ST6GALNAC2: variants seen among roughly 807,000 people sequenced by gnomAD.
ST6GALNAC2 encodes ST6 N-acetylgalactosaminide alpha-2,6-sialyltransferase 2, also known as alpha-N-acetylgalactosaminide alpha-2,6-sialyltransferase 2.
ST6GALNAC2 carries 42 observed loss-of-function variants against 38.7 expected under a neutral mutation model. The observed-to-expected ratio is 1.09, with a 90% CI of 0.85 to 1.40. The LOEUF is 1.40. ST6GALNAC2 is among the 40% of genes most tolerant of loss of function. The pLI is 0.00. For missense variants in ST6GALNAC2, 506 were observed against 481.7 expected, an observed-to-expected ratio of 1.05 and a Z score of -0.47; for synonymous variants, 233 against 209.0, an observed-to-expected ratio of 1.11 and a Z score of -0.99.
chr17:76,581,764 C>T (rs969614743), intron 1 of ST6GALNAC2, among the ~76,000 whole-genome samples: 7 of 152,230 alleles, frequency 4.6e-5, no homozygotes, highest in African/African-American at 1.7e-4. Flanking sequence ...TGCACATGCC[C>T]TTCTGGGAGG....
intron 7 of ST6GALNAC2, 153 bp from the exon 8 acceptor site, chr17:76,567,705 A>G (rs2075302430): frequency 5.3e-6 from 3 of 570,388 alleles, no homozygotes; most frequent in Non-Finnish European, 9.4e-6. Flanking sequence ...AAATACAAAG[A>G]TCTTTGAGAC....
Position 76,573,257 on chromosome 17 carries a change from G to A in ST6GALNAC2, c.468C>T (p.Asn156=), listed in dbSNP as rs373035687. The A allele has an allele frequency of 1.4e-5, 23 of 1,612,660 alleles. No individual in the cohort carries two copies. Among genetic ancestry groups the A allele is most frequent in the Middle Eastern group, 1.6e-4 (1 of 6,072 alleles). The change falls in exon 4 of 9, where the codon AAC becomes AAT. Residue 156 remains asparagine, a synonymous_variant. Transcript: ENST00000225276. This position sits in a 1 kb window ranked among gnomAD's most constrained non-coding sequence, Gnocchi z 5.1. ...GGCGGGACCCATTCAGAATGCCTCC[G>A]TTGCCCACCACGGCACACCGGATAC... The part of the protein sequence containing the change: ...PKCIRCAVVG[N]GGILNGSRQG...
At position 76,565,904 on chromosome 17, in the gene ST6GALNAC2, G is replaced by C; in HGVS notation, c.*200C>G. On this transcript the variant is annotated 3_prime_UTR_variant, in exon 9 of 9. Coordinates refer to ENST00000225276, the MANE Select transcript of ST6GALNAC2 (RefSeq NM_006456.3). ...GCCAAGATTGAGATGTATTGTTTTA[G>C]ATACAGAAGAGTTCTTGGATGAGCC... 1 of 557,898 alleles carries C rather than the reference G, an allele frequency of 1.8e-6. No homozygotes were observed. Among genetic ancestry groups the C allele is most frequent in the South Asian group, 2.5e-5 (1 of 40,140 alleles). The allele number at this position is 557,898 out of a possible 1,614,324, so 34.6% of individuals were successfully genotyped here. A position where few individuals can be genotyped will look rare whatever the true frequency, so the allele number is the denominator to read the frequency against.
chr17:76,578,677 G>A, intron 2 of ST6GALNAC2, 79 bp downstream of exon 2: 1 of 1,346,452 alleles, frequency 7.4e-7, no homozygotes, highest in South Asian at 1.3e-5. Context: ...TCATGAGAGT[G>A]TTCTCGTTTG....
chr17:76,572,836 A>C, intron 4 of ST6GALNAC2, 61 bp from the exon 5 acceptor site: 1 of 1,601,992 alleles, frequency 6.2e-7, no homozygotes, highest in African/African-American at 1.3e-5. Flanking sequence ...TTCTGCTTCC[A>C]TCTCCACGGC....
intron 1 of ST6GALNAC2, among the ~76,000 whole-genome samples, chr17:76,584,924 G>A (rs2075526323): frequency 6.6e-6 from 1 of 152,364 alleles, no homozygotes; most frequent in Non-Finnish European, 1.5e-5. Flanking sequence ...CTTAAGCTAA[G>A]CGAAATCGTT....
chr17:76,568,935 G>C, intron 6 of ST6GALNAC2, 139 bp from the exon 7 acceptor site: 1 of 735,814 alleles, frequency 1.4e-6, no homozygotes. Flanking sequence ...AGCGGGAGAA[G>C]GGGGTGTAGA....
At chr17:76,584,765 A>G (rs1182405427) in intron 1 of ST6GALNAC2, among the ~76,000 whole-genome samples, 6 of 152,106 alleles carry the variant, frequency 3.9e-5, no homozygotes, top group African/African-American at 1.4e-4. Flanking sequence ...TTTTGTTTTC[A>G]TCCCGTTAGC....
At position 76,566,191 on chromosome 17, in the gene ST6GALNAC2, T is replaced by A; in HGVS notation, c.1038A>T (p.Ile346=). 6.2e-7 allele frequency: 1 copy of A among 1,614,122 alleles called. No individual in the cohort carries two copies. The highest frequency in any genetic ancestry group is 8.5e-7 in the Non-Finnish European group (1 of 1,180,042). The change falls in exon 9 of 9, where the codon ATA becomes ATT. Residue 346 remains isoleucine, a synonymous_variant. Coordinates refer to ENST00000225276, the MANE Select transcript of ST6GALNAC2 (RefSeq NM_006456.3). ...GGGACAGATCGTGGTTTGCATAAAA[T>A]ATCAATGGCTTCATTTTTCGTTCGA... ...HYFERKMKPL[I]FYANHDLSLE...
At chr17:76,582,890 G>C (rs12600489) in intron 1 of ST6GALNAC2, among the ~76,000 whole-genome samples, 38 of 152,100 alleles carry the variant, frequency 2.5e-4, no homozygotes, top group African/African-American at 9.2e-4. Context: ...CCCGCATTGG[G>C]GTTTAAGCTA....
chr17:76,566,554 C>A (rs1230524104), intron 8 of ST6GALNAC2, among the ~76,000 whole-genome samples: 1 of 152,128 alleles, frequency 6.6e-6, no homozygotes. Context: ...AGTCAAGACA[C>A]TCCTGCATCA....
Position 76,566,109 on chromosome 17 carries a change from G to A in ST6GALNAC2, c.1120C>T (p.Arg374Cys), listed in dbSNP as rs146749688. ...HKAGILQLYQ[R>C] is the part of the protein sequence containing the mutation. Reference sequence around the variant, plus strand: ...AAGGGCTCAGTGCATTGGGGTCAGCGCTGGTACAGCTGAAGGATGCCGGCC... The same window carrying A: ...AAGGGCTCAGTGCATTGGGGTCAGCACTGGTACAGCTGAAGGATGCCGGCC... Residue 374 changes from arginine (R) to cysteine (C), a missense_variant, in exon 9 of 9, where the codon CGC becomes TGC. Physicochemically the swap from Arg to Cys is radical, Grantham distance 180. Transcript: ENST00000225276. 1.0e-4 allele frequency: 162 copies of A among 1,613,940 alleles called. 1 individual carries two copies. Among genetic ancestry groups the A allele is most frequent in the Middle Eastern group, 1.7e-4 (1 of 6,056 alleles).
chr17:76,576,465 T>C (rs1019675206), intron 2 of ST6GALNAC2, among the ~76,000 whole-genome samples: 2 of 152,052 alleles, frequency 1.3e-5, no homozygotes, highest in African/African-American at 4.8e-5. Context: ...GCAGTTTGTG[T>C]GATATTGTGA....
intron 2 of ST6GALNAC2, among the ~76,000 whole-genome samples, chr17:76,577,583 T>TC (rs1268905169): frequency 6.7e-6 from 1 of 149,812 alleles, no homozygotes; most frequent in Non-Finnish European, 1.5e-5. Flanking sequence ...ATTTTTTTTT[T>TC]TTTTTTTTTT....
intron 6 of ST6GALNAC2, chr17:76,569,083 TG>T (rs1025790409): frequency 1.4e-4 from 6 of 42,966 alleles, no homozygotes; most frequent in Admixed American, 6.1e-4. Flanking sequence ...CTGGGGGTGG[TG>T]GGGGGGCGGG....
chr17:76,574,232 T>C, intron 3 of ST6GALNAC2, 133 bp downstream of exon 3: 1 of 1,075,234 alleles, frequency 9.3e-7, no homozygotes, highest in Non-Finnish European at 1.3e-6. Flanking sequence ...AGCTGGGGCT[T>C]CTGGGAGGAG....
At chr17:76,577,466 C>G (rs2075430215) in intron 2 of ST6GALNAC2, among the ~76,000 whole-genome samples, 1 of 152,044 alleles carries the variant, frequency 6.6e-6, no homozygotes, top group Admixed American at 6.6e-5. Flanking sequence ...GCTCAAGGCT[C>G]AAGGTGGAAA....
intron 5 of ST6GALNAC2, among the ~76,000 whole-genome samples, chr17:76,572,083 C>T (rs4991708): frequency 0.98 from 148,413 of 152,128 alleles, 72,512 homozygotes; most frequent in Middle Eastern, 1. Context: ...CTGGGTGACC[C>T]TGGACATGTT....
At chr17:76,579,544 G>A (rs2075452963) in intron 1 of ST6GALNAC2, among the ~76,000 whole-genome samples, 1 of 152,220 alleles carries the variant, frequency 6.6e-6, no homozygotes, top group Admixed American at 6.5e-5. Flanking sequence ...TAAGGTTATG[G>A]CTCTTGCTAT....
Sources: gnomAD v4.1 joint callset for allele counts (sites outside exome capture counted in the v4.1 genomes callset) on GRCh38, gnomAD v4.1.1 for gene constraint, Gnocchi (gnomAD v3.1) non-coding constraint, MANE v1.5 for transcripts, NCBI Gene and HGNC (gene_info 2026-07-23, HGNC 2026-07-21) for gene names.